The following HEATR6 variants were observed in gnomAD, a reference collection of about 807,000 sequenced individuals.
HEATR6 encodes HEAT repeat containing 6, also known as HEAT repeat-containing protein 6.
In HEATR6, 106 loss-of-function variants were observed where a neutral mutation model predicts 132.8. The ratio of observed to expected loss-of-function variants is 0.80; its 90% confidence interval spans 0.68 to 0.94. The LOEUF (loss-of-function observed/expected upper bound fraction) is 0.94, where lower values mean the gene tolerates loss of function less well. Ranked by LOEUF, HEATR6 falls within the 40% of genes least tolerant of loss-of-function variation. The pLI, the probability that HEATR6 is intolerant of heterozygous loss-of-function variation, is 0.00. For missense variants in HEATR6, 1,339 were observed against 1,425.1 expected (o/e 0.94, Z 0.97); for synonymous variants, 529 against 537.8 (o/e 0.98, Z 0.23).
In HEATR6 at chr17:60,059,109, T is replaced by C. The variant is rs548401112; in HGVS notation, c.1723+313A>G. On this transcript the variant is annotated intron_variant, in intron 11 of 19. Transcript: ENST00000184956. ...ATCCTCTACCTATGTGTAAGGGATA[T>C]AAACAATCATACTCCTCAGGGGGGC... 1.4e-4 allele frequency among the ~76,000 whole-genome samples: 21 copies of C among 152,280 alleles called. 1 individual carries two copies. The South Asian group carries it at 4.4e-3, about 32-fold the overall frequency.
chr17:60,049,853 T>C, intron 15 of HEATR6, 151 bp from the exon 16 acceptor site: 1 of 764,120 alleles, frequency 1.3e-6, no homozygotes, highest in Non-Finnish European at 2.1e-6. Flanking sequence ...AAAAGCAGGT[T>C]CAATTCAGAT....
intron 2 of HEATR6, among the ~76,000 whole-genome samples, chr17:60,074,327 C>T (rs2083286580): frequency 6.6e-6 from 1 of 152,208 alleles, no homozygotes; most frequent in African/African-American, 2.4e-5. Context: ...CATATCCCTG[C>T]TGTCAAGGAG....
chr17:60,074,380 A>G (rs1205333143), intron 2 of HEATR6, among the ~76,000 whole-genome samples: 2 of 152,338 alleles, frequency 1.3e-5, no homozygotes, highest in African/African-American at 4.8e-5. Flanking sequence ...CCAAGTGTCA[A>G]TTTATGGACA....
intron 15 of HEATR6, among the ~76,000 whole-genome samples, chr17:60,050,169 G>A (rs117849816): frequency 6.6e-6 from 1 of 152,218 alleles, no homozygotes; most frequent in Non-Finnish European, 1.5e-5. Flanking sequence ...AAAGAGATTA[G>A]TGCCCTTATG....
intron 6 of HEATR6, among the ~76,000 whole-genome samples, chr17:60,070,391 G>A (rs1251499805): frequency 1.3e-5 from 2 of 152,084 alleles, no homozygotes; most frequent in Non-Finnish European, 2.9e-5. Flanking sequence ...AAGCCAAGGA[G>A]AAGCACTGGC....
intron 19 of HEATR6, among the ~76,000 whole-genome samples, chr17:60,045,374 A>G (rs887093513): frequency 2.0e-5 from 3 of 152,168 alleles, no homozygotes; most frequent in African/African-American, 7.2e-5. Flanking sequence ...AGATGCAATA[A>G]AGCGAACGCT....
At chr17:60,075,840 C>CAAAAAAAA (rs772457086) in intron 2 of HEATR6, 1 of 61,014 alleles carries the variant, frequency 1.6e-5, no homozygotes. Context: ...AACTCTGTCT[C>CAAAAAAAA]AAAAAAAAAA....
At chr17:60,072,355 C>A in intron 4 of HEATR6, 26 bp from the exon 5 acceptor site, 1 of 1,266,402 alleles carries the variant, frequency 7.9e-7, no homozygotes, top group Non-Finnish European at 1.1e-6. Flanking sequence ...GAAAACAACT[C>A]AAACTCAGTC....
chr17:60,054,042 CT>C (rs1430875841), intron 14 of HEATR6, among the ~76,000 whole-genome samples: 1 of 152,182 alleles, frequency 6.6e-6, no homozygotes, highest in Non-Finnish European at 1.5e-5. Context: ...TTCTAGAAAT[CT>C]TTGAGGCAAC....
At chr17:60,050,100 T>C (rs746616725) in intron 15 of HEATR6, among the ~76,000 whole-genome samples, 11 of 152,144 alleles carry the variant, frequency 7.2e-5, no homozygotes, top group Non-Finnish European at 1.3e-4. Context: ...CCCAGGATGA[T>C]GGTATCAGGA....
At chr17:60,073,682 CAG>C (rs1412597445) in intron 3 of HEATR6, 62 bp downstream of exon 3, 1 of 1,492,166 alleles carries the variant, frequency 6.7e-7, no homozygotes, top group Non-Finnish European at 9.2e-7. Flanking sequence ...AACCTGAACA[CAG>C]TGTTGGCACC....
In HEATR6 at chr17:60,057,417, C is replaced by A; in HGVS notation, c.1724-14G>T. ...GAACATTAACATCTGTCAAAGGAAG[C>A]AGTAAGAACTTATCATCATGGCAAC... On this transcript the variant is annotated splice_polypyrimidine_tract_variant and intron_variant, in intron 11 of 19. Coordinates refer to ENST00000184956, the MANE Select transcript of HEATR6 (RefSeq NM_022070.5). 6.6e-7 allele frequency: 1 copy of A among 1,521,546 alleles called. No homozygotes were observed. 94.3% of individuals were successfully genotyped at this position (1,521,546 alleles called of 1,614,324 possible). A position where few individuals can be genotyped will look rare whatever the true frequency, so the allele number is the denominator to read the frequency against.
intron 11 of HEATR6, among the ~76,000 whole-genome samples, chr17:60,058,423 C>A (rs949565883): frequency 1.3e-5 from 2 of 152,150 alleles, no homozygotes; most frequent in African/African-American, 4.8e-5. Context: ...AACTTTGAGG[C>A]ATGGTGCACT....
intron 13 of HEATR6, 60 bp downstream of exon 13, chr17:60,056,055 G>T: frequency 6.4e-7 from 1 of 1,563,876 alleles, no homozygotes; most frequent in South Asian, 1.2e-5. Context: ...ATAAAGTGAA[G>T]AAAAGGAAGG....
intron 15 of HEATR6, among the ~76,000 whole-genome samples, chr17:60,050,012 GTCTGAATACTGCTAT>G (rs1906526051): frequency 6.6e-6 from 1 of 152,194 alleles, no homozygotes; most frequent in Non-Finnish European, 1.5e-5. Flanking sequence ...AAAAAAAGCA[GTCTGAATACTGCTAT>G]TCTGAATAGC....
Position 60,046,233 on chromosome 17 carries a change from G to A in HEATR6, c.2770-4C>T. The A allele has an allele frequency of 6.3e-7, 1 of 1,581,588 alleles. No homozygotes were observed. Among genetic ancestry groups the A allele is most frequent in the Admixed American group, 1.9e-5 (1 of 53,042 alleles). On this transcript the variant is annotated splice_region_variant and splice_polypyrimidine_tract_variant and intron_variant, in intron 18 of 19. Transcript: ENST00000184956. ...CCCGGACTGCATTGCTTTTTACCTA[G>A]AAAAAATGTAAATGCTTTAGAAATC...
At chr17:60,049,101 TAG>T (rs563740738) in intron 16 of HEATR6, among the ~76,000 whole-genome samples, 21 of 141,018 alleles carry the variant, frequency 1.5e-4, no homozygotes, top group African/African-American at 1.9e-4. Flanking sequence ...TATATATATG[TAG>T]AGAGAGAGAG....
intron 14 of HEATR6, among the ~76,000 whole-genome samples, chr17:60,052,126 G>A (rs1010085536): frequency 1.3e-5 from 2 of 152,226 alleles, no homozygotes; most frequent in Non-Finnish European, 2.9e-5. Context: ...ATGTCCTCAT[G>A]GGGAGGAAAT....
intron 6 of HEATR6, 33 bp downstream of exon 6, chr17:60,070,673 G>C (rs1212869785): frequency 3.2e-6 from 4 of 1,251,204 alleles, no homozygotes; most frequent in Non-Finnish European, 4.7e-6. Context: ...GTTGAAACAG[G>C]AAAGACAATG....
Sources: allele counts gnomAD v4.1 joint callset (sites outside exome capture counted in the v4.1 genomes callset), GRCh38; gene constraint gnomAD v4.1.1; transcripts MANE v1.5; gene names NCBI Gene and HGNC (gene_info 2026-07-23, HGNC 2026-07-21).